The following APBA1 variants were observed in gnomAD, a reference collection of about 807,000 sequenced individuals.
APBA1 encodes amyloid-beta A4 precursor protein-binding family A member 1.
Under a neutral mutation model 86.6 loss-of-function variants are expected in APBA1, and 55 were observed. The ratio of observed to expected loss-of-function variants is 0.64; its 90% CI spans 0.51 to 0.80. The LOEUF (loss-of-function observed/expected upper bound fraction) is 0.80. APBA1 is among the 30% of genes least tolerant of loss of function. The pLI is 0.00. For synonymous variants in APBA1, 511 were observed against 493.9 expected, an observed-to-expected ratio of 1.03 and a Z score of -0.46; for missense variants, 1,090 against 1,183.0, an observed-to-expected ratio of 0.92 and a Z score of 1.15.
chr9:69,668,526 T>C (rs1485160717), intron 1 of APBA1, among the ~76,000 whole-genome samples: 1 of 152,158 alleles, frequency 6.6e-6, no homozygotes, highest in African/African-American at 2.4e-5. Context: ...TCCCATGTCA[T>C]TCCATCCAAC....
intron 2 of APBA1, among the ~76,000 whole-genome samples, chr9:69,493,035 G>A (rs1588318214): frequency 6.6e-6 from 1 of 151,972 alleles, no homozygotes; most frequent in Non-Finnish European, 1.5e-5. Context: ...AAGTGACTAA[G>A]CAGCCAATAT....
intron 1 of APBA1, among the ~76,000 whole-genome samples, chr9:69,528,901 C>A (rs1425914953): frequency 6.6e-6 from 1 of 151,964 alleles, no homozygotes; most frequent in African/African-American, 2.4e-5. Flanking sequence ...ACGAATTGAA[C>A]AGTAATTCAT....
At position 69,427,606 on chromosome 9, in the gene APBA1, T is replaced by C. The variant is rs1440093003; in HGVS notation, c.*3721A>G. 10 of 151,586 alleles carry C rather than the reference T, an allele frequency of 6.6e-5. No homozygotes were observed. Among genetic ancestry groups the C allele is most frequent in the African/African-American group, 2.4e-4 (10 of 41,180 alleles). 9.4% of individuals were successfully genotyped at this position (151,586 alleles called of 1,614,324 possible). A position where few individuals can be genotyped will look rare whatever the true frequency, so the allele number is the denominator to read the frequency against. Reference sequence around the variant, plus strand: ...TAGCGTTCAGTTAAATAAAGGAAGATAGATAGCACAGTAAATACATCACAA... The same window carrying C: ...TAGCGTTCAGTTAAATAAAGGAAGACAGATAGCACAGTAAATACATCACAA... On this transcript the variant is annotated 3_prime_UTR_variant, in exon 13 of 13. Transcript: ENST00000265381.
At chr9:69,488,860 T>C (rs891620807) in intron 2 of APBA1, among the ~76,000 whole-genome samples, 2 of 152,270 alleles carry the variant, frequency 1.3e-5, no homozygotes, top group African/African-American at 2.4e-5. Context: ...AGCCAAATCA[T>C]GAGTGAACTC....
At chr9:69,520,223 C>T (rs200671832) in intron 1 of APBA1, among the ~76,000 whole-genome samples, 6,094 of 152,294 alleles carry the variant, frequency 0.04, 170 homozygotes, top group Non-Finnish European at 0.063. Flanking sequence ...TATCCCTACA[C>T]ACAAGAGGAC....
chr9:69,450,069 T>G (rs568541333), intron 9 of APBA1, among the ~76,000 whole-genome samples: 12 of 150,026 alleles, frequency 8.0e-5, no homozygotes, highest in South Asian at 4.3e-4. Context: ...TTTTTTTTTT[T>G]TTTTTTTTTT....
At chr9:69,625,000 C>T (rs1317139556) in intron 1 of APBA1, among the ~76,000 whole-genome samples, 1 of 152,176 alleles carries the variant, frequency 6.6e-6, no homozygotes, top group Non-Finnish European at 1.5e-5. Context: ...GGTTTCTTGC[C>T]TCCATAGTTC....
chr9:69,548,375 T>C (rs1213102002), intron 1 of APBA1, among the ~76,000 whole-genome samples: 1 of 152,244 alleles, frequency 6.6e-6, no homozygotes, highest in Non-Finnish European at 1.5e-5. Context: ...GGGACCTGTG[T>C]CAGCTTCCCA....
intron 1 of APBA1, among the ~76,000 whole-genome samples, chr9:69,588,735 T>C (rs112009742): frequency 3.3e-5 from 5 of 152,306 alleles, no homozygotes; most frequent in African/African-American, 1.2e-4. Flanking sequence ...GTACGTATCA[T>C]ATGGCAGGCA....
chr9:69,593,357 T>C (rs1005305830), intron 1 of APBA1, among the ~76,000 whole-genome samples: 3 of 152,224 alleles, frequency 2.0e-5, no homozygotes, highest in African/African-American at 7.2e-5. Flanking sequence ...ATCATGCATA[T>C]ATGATACGGG....
At chr9:69,493,252 T>A (rs1468535685) in intron 2 of APBA1, among the ~76,000 whole-genome samples, 1 of 152,106 alleles carries the variant, frequency 6.6e-6, no homozygotes. Context: ...AGGGTTGGCC[T>A]TAATTCTTTT....
intron 1 of APBA1, among the ~76,000 whole-genome samples, chr9:69,523,790 G>A (rs185164312): frequency 6.6e-6 from 1 of 151,770 alleles, no homozygotes; most frequent in Admixed American, 6.6e-5. Context: ...TCAACTGCAT[G>A]CACATGGAAC....
intron 1 of APBA1, among the ~76,000 whole-genome samples, chr9:69,531,818 C>G (rs929752301): frequency 3.3e-5 from 5 of 152,140 alleles, no homozygotes; most frequent in Non-Finnish European, 5.9e-5. Flanking sequence ...GAGTAAAAGG[C>G]AGGAAAGCAT....
intron 2 of APBA1, among the ~76,000 whole-genome samples, chr9:69,515,498 C>T (rs1232041581): frequency 6.6e-6 from 1 of 152,004 alleles, no homozygotes; most frequent in African/African-American, 2.4e-5. Context: ...CTCTAGAGAC[C>T]CTTAAAGATC....
At chr9:69,560,583 G>A (rs1836932428) in intron 1 of APBA1, among the ~76,000 whole-genome samples, 3 of 152,194 alleles carry the variant, frequency 2.0e-5, no homozygotes, top group Non-Finnish European at 4.4e-5. Context: ...GATGAAATAT[G>A]GGAATGCATG....
intron 1 of APBA1, among the ~76,000 whole-genome samples, chr9:69,521,872 A>G (rs1011330130): frequency 3.3e-5 from 5 of 151,956 alleles, no homozygotes; most frequent in Non-Finnish European, 7.4e-5. Context: ...AGAGATGGAA[A>G]GGGGCTGAGT....
intron 1 of APBA1, among the ~76,000 whole-genome samples, chr9:69,558,874 T>C (rs913057847): frequency 1.3e-5 from 2 of 152,130 alleles, no homozygotes; most frequent in Non-Finnish European, 2.9e-5. Context: ...TTACTTTAAA[T>C]TTTTACAACT....
chr9:69,597,973 A>G (rs1822264689), intron 1 of APBA1, among the ~76,000 whole-genome samples: 1 of 151,978 alleles, frequency 6.6e-6, no homozygotes, highest in Non-Finnish European at 1.5e-5. Flanking sequence ...TGCTATAAAG[A>G]CACATGCACA....
In APBA1 at chr9:69,431,147, A is replaced by C; in HGVS notation, c.*180T>G. 2.2e-6 allele frequency: 1 copy of C among 454,634 alleles called. No individual in the cohort carries two copies. Among genetic ancestry groups the C allele is most frequent in the Non-Finnish European group, 3.9e-6 (1 of 259,358 alleles). The allele number at this position is 454,634 out of a possible 1,614,324, so 28.2% of individuals were successfully genotyped here. A position where few individuals can be genotyped will look rare whatever the true frequency, so the allele number is the denominator to read the frequency against. On this transcript the variant is annotated 3_prime_UTR_variant, in exon 13 of 13. Transcript: ENST00000265381. Reference sequence around the variant, plus strand: ...ACGAAACTTCCCTGGTATTGAAAAAAAAAAAAAAAAAAAAGCAAATCGGAG... The same window carrying C: ...ACGAAACTTCCCTGGTATTGAAAAACAAAAAAAAAAAAAAGCAAATCGGAG...
Sources: allele counts gnomAD v4.1 joint callset (sites outside exome capture counted in the v4.1 genomes callset), GRCh38; gene constraint gnomAD v4.1.1; transcripts MANE v1.5; gene names NCBI Gene and HGNC (gene_info 2026-07-23, HGNC 2026-07-21).